The following UTRN variants were observed in gnomAD, a reference collection of about 807,000 sequenced individuals.
UTRN encodes the protein dystrophin-related protein 1.
UTRN carries 283 observed loss-of-function variants against 463.9 expected under a neutral mutation model. The observed-to-expected ratio is 0.61, with a 90% CI of 0.55 to 0.67. The LOEUF is 0.67. UTRN is among the 30% of genes least tolerant of loss of function. The pLI, the probability that UTRN is intolerant of heterozygous loss-of-function variation, is 0.00. For synonymous variants in UTRN, 1,442 were observed against 1,431.5 expected, an observed-to-expected ratio of 1.01 and a Z score of -0.17; for missense variants, 3,922 against 4,084.3, an observed-to-expected ratio of 0.96 and a Z score of 1.08.
At chr6:144,298,840 G>A (rs1458207282) in intron 2 of UTRN, among the ~76,000 whole-genome samples, 1 of 152,082 alleles carries the variant, frequency 6.6e-6, no homozygotes, top group Non-Finnish European at 1.5e-5. Context: ...TCTCTAAAGT[G>A]GTACAGCTTT....
At chr6:144,737,994 A>T (rs115071573) in intron 54 of UTRN, among the ~76,000 whole-genome samples, 3,639 of 152,092 alleles carry the variant, frequency 0.024, 147 homozygotes, top group African/African-American at 0.083. Context: ...GATTTTTTTT[A>T]AAAATAAAAA....
intron 74 of UTRN, among the ~76,000 whole-genome samples, chr6:144,848,785 A>G (rs1224245932): frequency 1.3e-5 from 2 of 152,192 alleles, no homozygotes; most frequent in Non-Finnish European, 2.9e-5. Context: ...AATCACTAAC[A>G]TTTAAAAATG....
intron 65 of UTRN, among the ~76,000 whole-genome samples, chr6:144,811,199 A>C (rs1778580710): frequency 6.6e-6 from 1 of 152,148 alleles, no homozygotes; most frequent in Non-Finnish European, 1.5e-5. Context: ...ATCTAGAAGC[A>C]GTTGTTTTGA....
rs147068121 is a variant in UTRN at position 144,698,094 on chromosome 6, G to A, written c.7653-1993G>A. 3.4e-3 allele frequency among the ~76,000 whole-genome samples: 513 copies of A among 152,272 alleles called. 1 individual carries two copies. Among genetic ancestry groups the A allele is most frequent in the African/African-American group, 0.012 (503 of 41,544 alleles). ...ATTGGAAAGAAATTGCAGTAGCTCA[G>A]TCAAATTTATTTGCTGCAAAATGGC... is the stretch of plus-strand genomic sequence containing the variant. On this transcript the variant is annotated intron_variant, in intron 52 of 74. Transcript: ENST00000367545.
intron 58 of UTRN, among the ~76,000 whole-genome samples, chr6:144,765,151 C>T (rs914497598): frequency 2.6e-5 from 4 of 152,110 alleles, no homozygotes; most frequent in African/African-American, 9.7e-5. Context: ...TTTATATTTC[C>T]AAGCAATTTA....
chr6:144,824,795 G>A (rs1181895504), intron 66 of UTRN, among the ~76,000 whole-genome samples: 7 of 147,786 alleles, frequency 4.7e-5, no homozygotes, highest in Admixed American at 6.8e-5. Context: ...TCCCCCCAGC[G>A]TTAAGAATGA....
Position 144,448,627 on chromosome 6 carries a change from A to G in UTRN, c.1930A>G (p.Met644Val). ...QVTQAVAKLG[M>V]SQIPQKDLLE... ...GACTCAGGCTGTAGCAAAGCTGGGG[A>G]TGTCTCAGATTCCTCAGAAGGACCT... Residue 644 changes from methionine (M) to valine (V), a missense_variant, in exon 17 of 75, where the codon ATG becomes GTG. This residue lies in a region of UTRN where 2,349 missense variants were observed against 2,303.8 expected (regional missense o/e 1.02). Transcript: ENST00000367545. The G allele has an allele frequency of 6.2e-7, 1 of 1,613,974 alleles. No individual in the cohort carries two copies. Among genetic ancestry groups the G allele is most frequent in the Non-Finnish European group, 8.5e-7 (1 of 1,179,886 alleles).
intron 51 of UTRN, among the ~76,000 whole-genome samples, chr6:144,622,470 A>T (rs1172926445): frequency 6.6e-6 from 1 of 152,090 alleles, no homozygotes; most frequent in Non-Finnish European, 1.5e-5. Context: ...TACAGGTGTG[A>T]GCCACTGTGC....
chr6:144,662,371 A>G (rs1779957364), intron 51 of UTRN, among the ~76,000 whole-genome samples: 1 of 152,216 alleles, frequency 6.6e-6, no homozygotes, highest in African/African-American at 2.4e-5. Context: ...TGCCATTTCT[A>G]GGGAAAGACC....
intron 2 of UTRN, among the ~76,000 whole-genome samples, chr6:144,349,185 T>C (rs1043847862): frequency 2.0e-5 from 3 of 152,102 alleles, no homozygotes; most frequent in Non-Finnish European, 2.9e-5. Flanking sequence ...ATTTTTTGTA[T>C]TTTTAGTAGA....
intron 3 of UTRN, among the ~76,000 whole-genome samples, chr6:144,418,489 C>T (rs1206062181): frequency 1.3e-5 from 2 of 151,706 alleles, no homozygotes; most frequent in South Asian, 2.1e-4. Context: ...TCCTAAAGTG[C>T]TGGGATTACA....
intron 1 of UTRN, among the ~76,000 whole-genome samples, chr6:144,289,257 G>T (rs1283227466): frequency 6.6e-6 from 1 of 152,044 alleles, no homozygotes; most frequent in African/African-American, 2.4e-5. Flanking sequence ...CCAAAATTGG[G>T]GAGTCATTTT....
At chr6:144,572,643 C>A (rs1044921920) in intron 50 of UTRN, among the ~76,000 whole-genome samples, 26 of 152,062 alleles carry the variant, frequency 1.7e-4, no homozygotes, top group Admixed American at 1.7e-3. Context: ...TGAGAACATG[C>A]AGTGTTTGGT....
At chr6:144,496,177 T>C (rs1793625665) in intron 33 of UTRN, among the ~76,000 whole-genome samples, 1 of 152,224 alleles carries the variant, frequency 6.6e-6, no homozygotes, top group Non-Finnish European at 1.5e-5. Flanking sequence ...ATAGGTAATA[T>C]TGAAAACCCA....
chr6:144,649,742 T>A (rs897098984), intron 51 of UTRN, among the ~76,000 whole-genome samples: 1 of 152,220 alleles, frequency 6.6e-6, no homozygotes, highest in Non-Finnish European at 1.5e-5. Context: ...TGTATAAGTG[T>A]TCTAAAAACT....
rs753802650 is a variant in UTRN at position 144,848,328 on chromosome 6, G to A, written c.10293+1501G>A. Among the ~76,000 whole-genome samples the A allele has an allele frequency of 8.5e-5, 13 of 152,324 alleles. No individual in the cohort carries two copies. The East Asian group carries it at 1.2e-3, about 14-fold the overall frequency. On this transcript the variant is annotated intron_variant, in intron 74 of 74. Coordinates refer to ENST00000367545, the MANE Select transcript of UTRN (RefSeq NM_007124.3). The stretch of plus-strand genomic sequence containing the variant: ...TAAGTTGCCCTCTAGGCATATTCAC[G>A]TTCATGAGCACAGGCACCAGAATGG...
intron 52 of UTRN, among the ~76,000 whole-genome samples, chr6:144,699,474 T>TG: frequency 2.2e-4 from 1 of 4,490 alleles, no homozygotes; most frequent in African/African-American, 1.0e-3. Context: ...TAGTCAGTGG[T>TG]TTTTTTTTTT....
chr6:144,499,174 T>A lies in UTRN; in HGVS notation c.4594-83T>A, dbSNP rs1409638743. On this transcript the variant is annotated intron_variant, in intron 33 of 74. Transcript: ENST00000367545. ...GGGGTTATATATGAATCAGTTTGGA[T>A]CTTTAGTTAACATTCTGATTCATTC... 3.5e-6 allele frequency: 5 copies of A among 1,420,170 alleles called. No homozygotes were observed. In the African/African-American group the frequency reaches 5.6e-5, roughly 16 times the overall value. The allele number at this position is 1,420,170 out of a possible 1,614,324, so 88.0% of individuals were successfully genotyped here.
chr6:144,824,593 TATATATATATATATATA>T (rs1562954870), intron 66 of UTRN, among the ~76,000 whole-genome samples: 2 of 57,702 alleles, frequency 3.5e-5, no homozygotes, highest in African/African-American at 2.3e-4. Context: ...TATATATATA[TATATATATATATATATA>T]TATCTTTTTT....
Sources: gnomAD v4.1 joint callset for allele counts (sites outside exome capture counted in the v4.1 genomes callset) on GRCh38, gnomAD v4.1.1 for gene constraint, gnomAD v4.1.1 regional missense constraint, MANE v1.5 for transcripts, NCBI Gene and HGNC (gene_info 2026-07-23, HGNC 2026-07-21) for gene names.